ASIP: variants seen among roughly 807,000 people sequenced by gnomAD.
ASIP encodes agouti signaling protein, also known as agouti-signaling protein.
ASIP carries 11 observed loss-of-function variants against 10.3 expected under a neutral mutation model. The observed-to-expected ratio is 1.07, with a 90% CI of 0.68 to 1.78. The LOEUF (loss-of-function observed/expected upper bound fraction) is 1.78. Ranked by LOEUF, ASIP falls within the 40% of genes most tolerant of loss-of-function variation. The probability of loss-of-function intolerance (pLI) is 0.00; values close to 1 mark genes in which losing one functional copy is unlikely to be tolerated. For missense variants in ASIP, 180 were observed against 169.2 expected (o/e 1.06, Z -0.35); for synonymous variants, 70 against 70.8 (o/e 0.99, Z 0.06).
At chr20:34,227,681 T>C (rs1480359769) in intron 1 of ASIP, among the ~76,000 whole-genome samples, 1 of 150,624 alleles carries the variant, frequency 6.6e-6, no homozygotes, top group Non-Finnish European at 1.5e-5. Context: ...GAGGACTCAA[T>C]ATTGTTCTGA....
At chr20:34,193,673 A>G (rs1342869893), upstream of ASIP, among the ~76,000 whole-genome samples, 1 of 152,212 alleles carries the variant, frequency 6.6e-6, no homozygotes, top group East Asian at 1.9e-4. Context: ...CCAAAATCCA[A>G]CTAGAGACCT....
At chr20:34,267,807 A>G (rs1309856533) in intron 3 of ASIP, among the ~76,000 whole-genome samples, 1 of 151,902 alleles carries the variant, frequency 6.6e-6, no homozygotes, top group African/African-American at 2.4e-5. Flanking sequence ...CTGGGATTAC[A>G]GGCATGAGCC....
rs933456017 is a variant in ASIP at position 34,225,862 on chromosome 20, A to G, written c.-11+31102A>G. On this transcript the variant is annotated intron_variant, in intron 1 of 3. Transcript: ENST00000568305. The stretch of plus-strand genomic sequence containing the variant: ...ATATACAAAAACCACTGATTTTAAA[A>G]TACTTATGTAATAACTAGATGTGCA... Among the ~76,000 whole-genome samples, 2 of 151,232 alleles carry G rather than the reference A, an allele frequency of 1.3e-5. 1 individual carries two copies. The highest frequency in any genetic ancestry group is 4.2e-4 in the South Asian group (2 of 4,810).
intron 1 of ASIP, among the ~76,000 whole-genome samples, chr20:34,213,089 A>G (rs2034984809): frequency 6.6e-6 from 1 of 152,204 alleles, no homozygotes; most frequent in African/African-American, 2.4e-5. Context: ...AGAGGTGATT[A>G]GGCCATGAGG....
Position 34,210,823 on chromosome 20 carries a change from C to A in ASIP, c.-11+16063C>A, listed in dbSNP as rs560507649. 2.8e-4 allele frequency among the ~76,000 whole-genome samples: 42 copies of A among 152,218 alleles called. 1 individual carries two copies. The highest frequency in any genetic ancestry group is 1.7e-3 in the South Asian group (8 of 4,814). On this transcript the variant is annotated intron_variant, in intron 1 of 3. Transcript: ENST00000568305. The stretch of plus-strand genomic sequence containing the variant: ...TTTAGCATGCTGTTAGCTGTGGGGA[C>A]CTTATTCATTTTATGATGAACCACA...
chr20:34,212,351 T>C (rs1390269128), intron 1 of ASIP, among the ~76,000 whole-genome samples: 2 of 152,228 alleles, frequency 1.3e-5, no homozygotes, highest in African/African-American at 2.4e-5. Context: ...TTTCTTCAAA[T>C]GTGCACACAC....
In ASIP at chr20:34,194,990, T is replaced by C. The variant is rs374215869; in HGVS notation, c.-11+230T>C. ...ATGTGCCTGGATGATTTTTGCCTGG[T>C]ACATTCTGCTAATTGGAGTTTCAGA... On this transcript the variant is annotated intron_variant, in intron 1 of 3. Transcript: ENST00000568305. 8.5e-5 allele frequency among the ~76,000 whole-genome samples: 13 copies of C among 152,182 alleles called. 2 individuals carry two copies. Among genetic ancestry groups the C allele is most frequent in the Admixed American group, 5.9e-4 (9 of 15,276 alleles).
chr20:34,267,500 T>C (rs1456066461), intron 3 of ASIP, among the ~76,000 whole-genome samples: 2 of 147,300 alleles, frequency 1.4e-5, no homozygotes, highest in Non-Finnish European at 3.0e-5. Context: ...TGATGTGAGC[T>C]ACATAATTTT....
the ASIP span, among the ~76,000 whole-genome samples, chr20:34,186,946 TG>T: frequency 6.6e-6 from 1 of 152,180 alleles, no homozygotes; most frequent in Non-Finnish European, 1.5e-5. Context: ...CCTGAGTAGC[TG>T]GGACTACAGG....
In ASIP at chr20:34,222,982, C is replaced by CTACA. The variant is rs1301389732; in HGVS notation, c.-11+28223_-11+28226dup. Among the ~76,000 whole-genome samples the CTACA allele has an allele frequency of 2.0e-5, 3 of 152,220 alleles. No homozygotes were observed. In the East Asian group the frequency reaches 5.8e-4, roughly 29 times the overall value. On this transcript the variant is annotated intron_variant, in intron 1 of 3. Transcript: ENST00000568305. Reference sequence around the variant, plus strand: ...TGGCGTGATCTCGGCTCACTACAACCTACACCTCCCAGCCACCTGCCTTGG... The same window carrying CTACA: ...TGGCGTGATCTCGGCTCACTACAACCTACATACACCTCCCAGCCACCTGCCTTGG...
chr20:34,222,244 G>A (rs1422015869), intron 1 of ASIP, among the ~76,000 whole-genome samples: 1 of 151,978 alleles, frequency 6.6e-6, no homozygotes, highest in East Asian at 1.9e-4. Flanking sequence ...AAGAATTTGA[G>A]TTGGCAATGG....
chr20:34,209,804 G>A (rs1044064334), intron 1 of ASIP, among the ~76,000 whole-genome samples: 27 of 152,188 alleles, frequency 1.8e-4, no homozygotes, highest in African/African-American at 6.3e-4. Flanking sequence ...ACCTGGGTGC[G>A]ATGGACAGCA....
chr20:34,214,634 A>G lies in ASIP; in HGVS notation c.-11+19874A>G, dbSNP rs1018639980. On this transcript the variant is annotated intron_variant, in intron 1 of 3. Transcript: ENST00000568305. ...CGTGAAACTTGAGCAAGCCTGTCCA[A>G]CACTAACTTCAGTTGTTTTCTATAT... The G allele has an allele frequency of 7.1e-6, 8 of 1,127,972 alleles. No homozygotes were observed. In the African/African-American group the frequency reaches 1.2e-4, roughly 16 times the overall value. 69.9% of individuals were successfully genotyped at this position (1,127,972 alleles called of 1,614,324 possible). A position where few individuals can be genotyped will look rare whatever the true frequency, so the allele number is the denominator to read the frequency against.
rs1352701603 is a variant in ASIP, at chr20:34,262,905, G to A, written c.222+12G>A. The A allele has an allele frequency of 6.2e-7, 1 of 1,613,810 alleles. No homozygotes were observed. The highest frequency in any genetic ancestry group is 2.2e-5 in the East Asian group (1 of 44,882). On this transcript the variant is annotated intron_variant, in intron 3 of 3. Transcript: ENST00000374954. ...AAAGATCTTCTAAGGTAAGGGCAGG[G>A]AAGTTCTGGGAGTTCTCATTGTTGG...
chr20:34,191,659 C>G (rs1338905089), upstream of ASIP, among the ~76,000 whole-genome samples: 1 of 151,814 alleles, frequency 6.6e-6, no homozygotes, highest in East Asian at 1.9e-4. Flanking sequence ...TTGTTGATTT[C>G]TTTCTTCGCT....
chr20:34,232,301 A>T (rs1293672680), intron 1 of ASIP, among the ~76,000 whole-genome samples: 1 of 152,186 alleles, frequency 6.6e-6, no homozygotes, highest in Non-Finnish European at 1.5e-5. Flanking sequence ...CTATAAGATG[A>T]GGAGGAGCAT....
At chr20:34,224,377 G>A (rs1280985092) in intron 1 of ASIP, among the ~76,000 whole-genome samples, 1 of 151,264 alleles carries the variant, frequency 6.6e-6, no homozygotes, top group African/African-American at 2.4e-5. Context: ...CTGCCAGACT[G>A]TTCTCTCCAT....
chr20:34,240,257 A>T (rs546669741), upstream of ASIP, among the ~76,000 whole-genome samples: 1 of 152,356 alleles, frequency 6.6e-6, no homozygotes, highest in Admixed American at 6.5e-5. Flanking sequence ...CTACTAAACT[A>T]GTCTTGGGGT....
chr20:34,269,081 C>A lies in ASIP; in HGVS notation c.313C>A (p.Pro105Thr), dbSNP rs775299058. Residue 105 changes from proline to threonine, a missense_variant, in exon 4 of 4, where the codon CCC becomes ACC. Coordinates refer to ENST00000374954, the MANE Select transcript of ASIP (RefSeq NM_001672.3). The stretch of plus-strand genomic sequence containing the variant: ...CCGCAACAGCTGCAAGCCGCCGGCA[C>A]CCGCCTGCTGCGACCCGTGCGCCTC... ...ATRNSCKPPA[P>T]ACCDPCASCQ... The A allele has an allele frequency of 1.9e-6, 3 of 1,582,738 alleles. No homozygotes were observed. In the South Asian group the frequency reaches 3.4e-5, roughly 18 times the overall value.
Sources: allele counts gnomAD v4.1 joint callset (sites outside exome capture counted in the v4.1 genomes callset), GRCh38; gene constraint gnomAD v4.1.1; transcripts MANE v1.5; gene names NCBI Gene and HGNC (gene_info 2026-07-23, HGNC 2026-07-21).